The following GSTA4 variants were observed in gnomAD, a reference collection of about 807,000 sequenced individuals.
GSTA4 encodes the protein glutathione S-transferase alpha 4.
A neutral mutation model predicts 24.4 loss-of-function variants in GSTA4; 15 were observed. The observed-to-expected ratio is 0.61, with a 90% CI of 0.41 to 0.95. The LOEUF (loss-of-function observed/expected upper bound fraction) is 0.95, where lower values mean the gene tolerates loss of function less well. Ranked by LOEUF, GSTA4 falls within the 40% of genes least tolerant of loss-of-function variation. The pLI is 0.00. For missense variants in GSTA4, 244 were observed against 262.1 expected (o/e 0.93, Z 0.48); for synonymous variants, 92 against 94.2 (o/e 0.98, Z 0.13).
At chr6:52,989,602 A>G (rs890482442) in intron 2 of GSTA4, among the ~76,000 whole-genome samples, 1 of 152,178 alleles carries the variant, frequency 6.6e-6, no homozygotes, top group Non-Finnish European at 1.5e-5. Context: ...TACTTGCCAG[A>G]GTGGGTGCTC....
intron 6 of GSTA4, among the ~76,000 whole-genome samples, chr6:52,980,354 C>G (rs490292): frequency 0.93 from 140,284 of 151,476 alleles, 65,016 homozygotes; most frequent in East Asian, 1. Context: ...ACCCAGGCTG[C>G]AGTGCAGTGG....
At chr6:52,992,844 T>C (rs182739815) in intron 2 of GSTA4, among the ~76,000 whole-genome samples, 1 of 152,328 alleles carries the variant, frequency 6.6e-6, no homozygotes, top group Non-Finnish European at 1.5e-5. Flanking sequence ...TTCACACCTG[T>C]AATCCCAGTA....
intron 2 of GSTA4, 112 bp downstream of exon 2, chr6:52,994,045 T>C: frequency 2.6e-6 from 2 of 780,380 alleles, no homozygotes; most frequent in Non-Finnish European, 4.6e-6. Flanking sequence ...GAAGCGTGCC[T>C]GTGATTTTGG....
intron 3 of GSTA4, among the ~76,000 whole-genome samples, chr6:52,986,123 T>A (rs1484999698): frequency 6.6e-6 from 1 of 152,112 alleles, no homozygotes; most frequent in Non-Finnish European, 1.5e-5. Context: ...AAAATACCTA[T>A]CCACAGTGAT....
In GSTA4 at chr6:52,978,533, G is replaced by A; in HGVS notation, c.606C>T (p.Ser202=). 6.2e-7 allele frequency: 1 copy of A among 1,612,134 alleles called. No homozygotes were observed. The highest frequency in any genetic ancestry group is 1.1e-5 in the South Asian group (1 of 91,008). The change falls in exon 7 of 7, where the codon AGC becomes AGT. Residue 202 remains serine, a synonymous_variant. Transcript: ENST00000370963. ...PTIKRFLEPG[S]KKKPPPDEIY... is the part of the protein sequence containing the mutation. ...TTTCATCAGGGGGAGGCTTCTTCTT[G>A]CTGCCAGGTTCAAGGAATCTCTTAA...
At chr6:52,987,059 G>C (rs1025217695) in intron 3 of GSTA4, among the ~76,000 whole-genome samples, 32 of 151,980 alleles carry the variant, frequency 2.1e-4, no homozygotes, top group African/African-American at 7.5e-4. Context: ...AGGGGCAAGG[G>C]AGAGAAAGAA....
chr6:52,987,412 A>T lies in GSTA4; in HGVS notation c.88-4T>A. 2 of 1,523,570 alleles carry T rather than the reference A, an allele frequency of 1.3e-6. No homozygotes were observed. 94.4% of individuals were successfully genotyped at this position (1,523,570 alleles called of 1,614,324 possible). On this transcript the variant is annotated splice_region_variant and splice_polypyrimidine_tract_variant and intron_variant, in intron 2 of 6. Transcript: ENST00000370963. ...TTTCCAGAAATTCTTCATCAAACTA[A>T]ATTTTTAAAAAAGAAACGTATATAT...
At chr6:52,986,018 G>C (rs1032932853) in intron 3 of GSTA4, among the ~76,000 whole-genome samples, 1 of 151,990 alleles carries the variant, frequency 6.6e-6, no homozygotes, top group Admixed American at 6.6e-5. Flanking sequence ...GCCATTGCAC[G>C]CCTGGGCAAC....
chr6:52,991,025 T>C (rs779983960), intron 2 of GSTA4, among the ~76,000 whole-genome samples: 1 of 152,200 alleles, frequency 6.6e-6, no homozygotes, highest in African/African-American at 2.4e-5. Context: ...AAACACCATG[T>C]GGCAAGTTGT....
At chr6:52,978,623 A>C (rs750763631) in intron 6 of GSTA4, 31 bp from the exon 7 acceptor site, 1 of 1,567,286 alleles carries the variant, frequency 6.4e-7, no homozygotes, top group South Asian at 1.2e-5. Context: ...CTTTAAGGCT[A>C]ACAAAAAAGG....
Position 52,978,410 on chromosome 6 carries a change from A to C in GSTA4, c.*60T>G. ...TGACAGAGCTGGGATCCATTAAGAC[A>C]TGACTGTAGACAATACCATCTCTAG... On this transcript the variant is annotated 3_prime_UTR_variant, in exon 7 of 7. Transcript: ENST00000370963. 6.4e-7 allele frequency: 1 copy of C among 1,553,784 alleles called. No homozygotes were observed.
chr6:52,983,275 A>T (rs1561983741), intron 5 of GSTA4, among the ~76,000 whole-genome samples: 3 of 152,136 alleles, frequency 2.0e-5, no homozygotes, highest in African/African-American at 4.8e-5. Context: ...GTTCATCTTG[A>T]CTCCCATTCT....
At chr6:52,985,709 G>A in intron 3 of GSTA4, 126 bp from the exon 4 acceptor site, 1 of 972,318 alleles carries the variant, frequency 1.0e-6, no homozygotes. Flanking sequence ...AAAGCTTCCA[G>A]ATGACAGATA....
At chr6:52,985,761 AG>A (rs1350985318) in intron 3 of GSTA4, among the ~76,000 whole-genome samples, 178 bp from the exon 4 acceptor site, 1 of 152,190 alleles carries the variant, frequency 6.6e-6, no homozygotes, top group Non-Finnish European at 1.5e-5. Context: ...CCACAAAAGA[AG>A]CCTGAAGGGG....
intron 6 of GSTA4, 100 bp from the exon 7 acceptor site, chr6:52,978,692 A>G: frequency 2.8e-6 from 2 of 727,034 alleles, no homozygotes; most frequent in Non-Finnish European, 4.5e-6. Flanking sequence ...TGTTCAATAA[A>G]TACTTGTTGA....
intron 4 of GSTA4, 78 bp from the exon 5 acceptor site, chr6:52,984,683 CTTTTTT>C: frequency 1.3e-6 from 1 of 789,068 alleles, no homozygotes; most frequent in South Asian, 1.7e-5. Context: ...ATTCAGAGTG[CTTTTTT>C]TTTTTTTTTT....
At chr6:52,979,909 A>C (rs1402265359) in intron 6 of GSTA4, among the ~76,000 whole-genome samples, 1 of 152,238 alleles carries the variant, frequency 6.6e-6, no homozygotes, top group Non-Finnish European at 1.5e-5. Flanking sequence ...GTATTGTTTC[A>C]AGATTTATCT....
intron 1 of GSTA4, 27 bp from the exon 2 acceptor site, chr6:52,994,288 G>A (rs776764948): frequency 7.8e-6 from 10 of 1,284,108 alleles, no homozygotes; most frequent in South Asian, 2.4e-5. Context: ...GCAGCTCGTC[G>A]CAGACCAACA....
chr6:52,978,592 C>A lies in GSTA4; in HGVS notation c.547G>T (p.Glu183Ter). The A allele has an allele frequency of 6.3e-7, 1 of 1,599,434 alleles. No homozygotes were observed. Among genetic ancestry groups the A allele is most frequent in the Non-Finnish European group, 8.5e-7 (1 of 1,174,258 alleles). ...NILSAFPFLQ[E>*]YTVKLSNIPT... Reference sequence around the variant, plus strand: ...ATATTACTTAGTTTCACTGTGTATTCCTGAAAAAGGAAAACCAAAACTTTA... The same window carrying A: ...ATATTACTTAGTTTCACTGTGTATTACTGAAAAAGGAAAACCAAAACTTTA... The change falls in exon 7 of 7, where the codon GAA (glutamate) becomes TAA (stop). Residue 183 changes from glutamate to a stop codon, truncating the protein, a stop_gained and splice_region_variant. Coordinates refer to ENST00000370963, the MANE Select transcript of GSTA4 (RefSeq NM_001512.4). LOFTEE classifies it high-confidence loss of function.
Sources: allele counts gnomAD v4.1 joint callset (sites outside exome capture counted in the v4.1 genomes callset), GRCh38; gene constraint gnomAD v4.1.1; transcripts MANE v1.5; gene names NCBI Gene and HGNC (gene_info 2026-07-23, HGNC 2026-07-21).